GREB1: variants seen among roughly 807,000 people sequenced by gnomAD.
GREB1 encodes protein GREB1.
GREB1 carries 106 observed loss-of-function variants against 200.7 expected under a neutral mutation model. The ratio of observed to expected loss-of-function variants is 0.53; its 90% confidence interval spans 0.45 to 0.62. The LOEUF (loss-of-function observed/expected upper bound fraction) is 0.62. GREB1 is among the 20% of genes least tolerant of loss of function. The pLI is 0.00. For missense variants in GREB1, 2,243 were observed against 2,556.8 expected (o/e 0.88, Z 2.65); for synonymous variants, 1,132 against 1,092.4 (o/e 1.04, Z -0.72).
chr2:11,497,255 A>G (rs936662971), intron 1 of GREB1, among the ~76,000 whole-genome samples: 1 of 152,130 alleles, frequency 6.6e-6, no homozygotes, highest in African/African-American at 2.4e-5. Flanking sequence ...TTTCCTACTC[A>G]TTGTAATTCT....
chr2:11,628,721 T>G (rs1422527617), intron 25 of GREB1, among the ~76,000 whole-genome samples: 1 of 152,192 alleles, frequency 6.6e-6, no homozygotes, highest in Non-Finnish European at 1.5e-5. Context: ...CAGTCCCTAC[T>G]CATCCCTGTC....
In GREB1 at chr2:11,627,077, G is replaced by A. The variant is rs764522804; in HGVS notation, c.4422G>A (p.Gln1474=). ...ACCACCACTGTGAGCAGTGCCACCA[G>A]TACATGGGCTTCCACCCCCGCTACC... The part of the protein sequence containing the change: ...NTYHHCEQCH[Q]YMGFHPRYQL... The change falls in exon 25 of 33, where the codon CAG becomes CAA. Residue 1474 remains glutamine (Q), a synonymous_variant. Transcript: ENST00000381486. 3.1e-6 allele frequency: 5 copies of A among 1,604,514 alleles called. No homozygotes were observed. The South Asian group carries it at 3.3e-5, about 11-fold the overall frequency.
intron 1 of GREB1, among the ~76,000 whole-genome samples, chr2:11,528,830 T>G (rs548289172): frequency 6.6e-6 from 1 of 152,348 alleles, no homozygotes; most frequent in Admixed American, 6.5e-5. Context: ...TAGAAGTCAT[T>G]CATTAATTAA....
At chr2:11,499,706 C>G (rs1364107015) in intron 1 of GREB1, among the ~76,000 whole-genome samples, 1 of 152,156 alleles carries the variant, frequency 6.6e-6, no homozygotes, top group African/African-American at 2.4e-5. Flanking sequence ...AAACAAATTC[C>G]TCTACCTGGA....
At chr2:11,592,559 T>A (rs1680838193) in intron 10 of GREB1, among the ~76,000 whole-genome samples, 1 of 149,928 alleles carries the variant, frequency 6.7e-6, no homozygotes, top group African/African-American at 2.5e-5. Context: ...AAAACTTTCA[T>A]ATGGAAAAAA....
At chr2:11,603,837 T>A (rs574121429) in intron 17 of GREB1, among the ~76,000 whole-genome samples, 56 of 152,360 alleles carry the variant, frequency 3.7e-4, no homozygotes, top group African/African-American at 1.3e-3. Flanking sequence ...GGCTCAGCAC[T>A]CTATATTTAT....
At position 11,587,768 on chromosome 2, in the gene GREB1, C is replaced by T. The variant is rs150362037; in HGVS notation, c.1160-978C>T. Reference sequence around the variant, plus strand: ...GCCACCTTTGGGAGCTCAGCAGCCCCGAGAGGATTTGATAGCTTCACCGCT... The same window carrying T: ...GCCACCTTTGGGAGCTCAGCAGCCCTGAGAGGATTTGATAGCTTCACCGCT... On this transcript the variant is annotated intron_variant, in intron 9 of 32. Coordinates refer to ENST00000381486, the MANE Select transcript of GREB1 (RefSeq NM_014668.4). 1.1e-3 allele frequency: 1,214 copies of T among 1,129,432 alleles called. 2 individuals carry two copies. Among genetic ancestry groups the T allele is most frequent in the Non-Finnish European group, 1.2e-3 (1,151 of 922,746 alleles). 70.0% of individuals were successfully genotyped at this position (1,129,432 alleles called of 1,614,324 possible).
chr2:11,535,136 A>G (rs1674231764), intron 1 of GREB1, among the ~76,000 whole-genome samples: 1 of 152,060 alleles, frequency 6.6e-6, no homozygotes, highest in South Asian at 2.1e-4. Flanking sequence ...TGCTCTGTAG[A>G]CAGGATTTCA....
intron 1 of GREB1, among the ~76,000 whole-genome samples, chr2:11,544,725 C>T (rs553209238): frequency 6.6e-6 from 1 of 152,078 alleles, no homozygotes; most frequent in East Asian, 1.9e-4. Context: ...CCAACGCTGG[C>T]CGCCTGTCTG....
chr2:11,567,461 G>A (rs1441878196), intron 4 of GREB1, among the ~76,000 whole-genome samples: 1 of 152,138 alleles, frequency 6.6e-6, no homozygotes, highest in Non-Finnish European at 1.5e-5. Context: ...TTATAGGTGA[G>A]CTTGGATCTG....
chr2:11,486,314 A>T (rs781758402), intron 1 of GREB1, among the ~76,000 whole-genome samples: 2 of 152,108 alleles, frequency 1.3e-5, no homozygotes. Context: ...TTTAAAAAAA[A>T]TTTAGTTTTA....
At chr2:11,631,384 C>A (rs566177211) in intron 26 of GREB1, among the ~76,000 whole-genome samples, 2 of 152,324 alleles carry the variant, frequency 1.3e-5, no homozygotes, top group African/African-American at 4.8e-5. Context: ...GTGCTCTGGG[C>A]ACAATATTAG....
rs906725288 is a variant in GREB1, at chr2:11,580,172, C to T, written c.773-532C>T. Among the ~76,000 whole-genome samples the T allele has an allele frequency of 2.0e-5, 3 of 152,186 alleles. No homozygotes were observed. The highest frequency in any genetic ancestry group is 4.4e-5 in the Non-Finnish European group (3 of 68,038). ...ACCACCCCCATGATTCAATTACCTC[C>T]CGCCAGGTCCCTCCCACGACACAGG... On this transcript the variant is annotated intron_variant, in intron 6 of 32. Transcript: ENST00000381486. This position sits in a 1 kb window ranked among gnomAD's most constrained non-coding sequence, Gnocchi z 4.5.
chr2:11,566,257 T>TC (rs1677638496), intron 3 of GREB1, among the ~76,000 whole-genome samples: 1 of 152,112 alleles, frequency 6.6e-6, no homozygotes, highest in Non-Finnish European at 1.5e-5. Flanking sequence ...CCTCAAGTGA[T>TC]CCTCCCGACT....
chr2:11,597,780 G>T lies in GREB1; in HGVS notation c.1955-1G>T. 6.2e-7 allele frequency: 1 copy of T among 1,614,088 alleles called. No individual in the cohort carries two copies. Among genetic ancestry groups the T allele is most frequent in the Non-Finnish European group, 8.5e-7 (1 of 1,180,010 alleles). On this transcript the variant is annotated splice_acceptor_variant, in intron 13 of 32. Transcript: ENST00000381486. LOFTEE classifies it high-confidence loss of function. This position sits in a 1 kb window ranked among gnomAD's most constrained non-coding sequence, Gnocchi z 4.1. The stretch of plus-strand genomic sequence containing the variant: ...CTGGCATCCTGGGGCTCTGGTTCCA[G>T]GTTACAATCTGGAGCCACACAGCAT...
Position 11,632,140 on chromosome 2 carries a change from C to T in GREB1, c.4816+27C>T, listed in dbSNP as rs746616198. 2.5e-5 allele frequency: 38 copies of T among 1,504,264 alleles called. No individual in the cohort carries two copies. The South Asian group carries it at 3.8e-4, about 15-fold the overall frequency. 93.2% of individuals were successfully genotyped at this position (1,504,264 alleles called of 1,614,324 possible). The stretch of plus-strand genomic sequence containing the variant: ...TGAGTGTCCTTTAACATCATCTACT[C>T]AGTCAAACTCCTGTGAACGAACACT... On this transcript the variant is annotated intron_variant, in intron 27 of 32. Coordinates refer to ENST00000381486, the MANE Select transcript of GREB1 (RefSeq NM_014668.4).
chr2:11,544,418 G>A (rs760484167), intron 1 of GREB1, among the ~76,000 whole-genome samples: 2 of 151,948 alleles, frequency 1.3e-5, no homozygotes, highest in Admixed American at 6.6e-5. Flanking sequence ...GGGTTTCACC[G>A]TGCTAGCCAG....
chr2:11,569,699 G>C (rs998847941), intron 4 of GREB1, among the ~76,000 whole-genome samples: 2 of 152,220 alleles, frequency 1.3e-5, no homozygotes, highest in African/African-American at 4.8e-5. Context: ...AAGGCACAGA[G>C]AGGCTAACTG....
At chr2:11,585,313 G>T in intron 8 of GREB1, 39 bp downstream of exon 8, 1 of 1,276,284 alleles carries the variant, frequency 7.8e-7, no homozygotes, top group Middle Eastern at 1.9e-4. Context: ...CCAGACTTGG[G>T]TACTGGTGGT....
Sources: gnomAD v4.1 joint callset for allele counts (sites outside exome capture counted in the v4.1 genomes callset) on GRCh38, gnomAD v4.1.1 for gene constraint, Gnocchi (gnomAD v3.1) non-coding constraint, MANE v1.5 for transcripts, NCBI Gene and HGNC (gene_info 2026-07-23, HGNC 2026-07-21) for gene names.